Variants in REPIN1 observed in about 807,000 individuals in gnomAD.
The protein encoded by REPIN1 is DNA-binding protein REPIN1.
In REPIN1, 4 loss-of-function variants were observed where a neutral mutation model predicts 5.7. That is an observed-to-expected ratio of 0.71 (90% CI 0.35 to 1.62). The LOEUF (loss-of-function observed/expected upper bound fraction) is 1.62, where lower values mean the gene tolerates loss of function less well. Among genes scored for constraint, REPIN1 ranks in the 40% most tolerant of loss-of-function variants. The probability of loss-of-function intolerance (pLI) is 0.05; values close to 1 mark genes in which losing one functional copy is unlikely to be tolerated. For missense variants in REPIN1, 854 were observed against 901.0 expected (o/e 0.95, Z 0.67); for synonymous variants, 410 against 386.2 (o/e 1.06, Z -0.72).
chr7:150,373,146 C>A lies in REPIN1; in HGVS notation c.*201C>A. 1.4e-6 allele frequency: 1 copy of A among 725,334 alleles called. No individual in the cohort carries two copies. The highest frequency in any genetic ancestry group is 1.9e-5 in the South Asian group (1 of 52,340). 44.9% of individuals were successfully genotyped at this position (725,334 alleles called of 1,614,324 possible). A position where few individuals can be genotyped will look rare whatever the true frequency, so the allele number is the denominator to read the frequency against. On this transcript the variant is annotated 3_prime_UTR_variant, in exon 3 of 3. Coordinates refer to ENST00000489432, the MANE Select transcript of REPIN1 (RefSeq NM_001099695.2). ...GGTGGCCAGGGAACCCACTTCCAAG[C>A]GCAGGGACGCCGGCCTCCAGCTGGT... is the stretch of plus-strand genomic sequence containing the variant.
upstream of REPIN1, chr7:150,368,689 C>T (rs1164411839): frequency 1.3e-5 from 3 of 227,566 alleles, no homozygotes; most frequent in Non-Finnish European, 2.5e-5. Flanking sequence ...GGCGGGGGCG[C>T]CCGCGCCCCG....
At chr7:150,368,629 A>T (rs1799074445), upstream of REPIN1, among the ~76,000 whole-genome samples, 1 of 151,834 alleles carries the variant, frequency 6.6e-6, no homozygotes. Flanking sequence ...CGACCCTCCG[A>T]GGCCTGCCGC....
chr7:150,368,982 G>T (rs1188735428), intron 1 of REPIN1, 41 bp downstream of exon 1: 2 of 375,402 alleles, frequency 5.3e-6, no homozygotes, highest in South Asian at 1.3e-4. Flanking sequence ...GCGGGCCCGC[G>T]GGGGGCCGCT....
At position 150,371,934 on chromosome 7, in the gene REPIN1, C is replaced by T. The variant is rs766446892; in HGVS notation, c.864C>T (p.Ala288=). Residue 288 remains alanine, a synonymous_variant, in exon 3 of 3, where the codon GCC becomes GCT. Coordinates refer to ENST00000489432, the MANE Select transcript of REPIN1 (RefSeq NM_001099695.2). Reference sequence around the variant, plus strand: ...CCGCCCCCCGGCCCGGTGGAGATGCCGTCGACCGCCCCTTCCAGTGTGCCT... The same window carrying T: ...CCGCCCCCCGGCCCGGTGGAGATGCTGTCGACCGCCCCTTCCAGTGTGCCT... ...AVTAPRPGGD[A]VDRPFQCACC... 2 of 1,608,100 alleles carry T rather than the reference C, an allele frequency of 1.2e-6. No homozygotes were observed. Among genetic ancestry groups the T allele is most frequent in the Non-Finnish European group, 8.5e-7 (1 of 1,179,176 alleles).
At position 150,371,903 on chromosome 7, in the gene REPIN1, C is replaced by T. The variant is rs963419117; in HGVS notation, c.833C>T (p.Ala278Val). 1.2e-6 allele frequency: 2 copies of T among 1,607,412 alleles called. No homozygotes were observed. The highest frequency in any genetic ancestry group is 2.7e-5 in the African/African-American group (2 of 74,892). ...GGGCCCCGGCCCAGGGGCCGCCCCG[C>T]GGTGACCGCCCCCCGGCCCGGTGGA... ...ALGPRPRGRP[A>V]VTAPRPGGDA... The change falls in exon 3 of 3, where the codon GCG (alanine) becomes GTG (valine). Residue 278 changes from alanine (A) to valine (V), a missense_variant. Ala to Val is a moderately conservative substitution (Grantham distance 64). This residue lies in a region of REPIN1 where 409 missense variants were observed against 418.6 expected (regional missense o/e 0.98). Transcript: ENST00000489432.
rs753150848 is a variant in REPIN1, at chr7:150,373,765, G to C, written c.*820G>C. The C allele has an allele frequency of 1.2e-5, 2 of 167,138 alleles. No homozygotes were observed. Among genetic ancestry groups the C allele is most frequent in the Non-Finnish European group, 2.9e-5 (2 of 68,146 alleles). The allele number at this position is 167,138 out of a possible 1,614,324, so 10.4% of individuals were successfully genotyped here. ...ATTGGTGATGGAGGGCCAGCTGAGG[G>C]GAAGTTGCTGGTGAGTTTCCTTTTC... On this transcript the variant is annotated 3_prime_UTR_variant, in exon 3 of 3. Transcript: ENST00000489432.
In REPIN1 at chr7:150,372,790, T is replaced by A. The variant is rs1243491540; in HGVS notation, c.1720T>A (p.Cys574Ser). The change falls in exon 3 of 3, where the codon TGT (cysteine) becomes AGT (serine). Residue 574 changes from cysteine to serine, a missense_variant. By Grantham distance (112) the Cys-to-Ser change is moderately radical (BLOSUM62 -1). Transcript: ENST00000489432. ...RIHTGERPYA[C>S]PDCDRSFSQK... ...CCACACGGGCGAGCGGCCCTACGCC[T>A]GTCCCGACTGCGACCGCAGCTTCAG... is the stretch of plus-strand genomic sequence containing the variant. The A allele has an allele frequency of 1.8e-5, 29 of 1,612,200 alleles. No homozygotes were observed. The highest frequency in any genetic ancestry group is 2.4e-5 in the Non-Finnish European group (28 of 1,179,970).
intron 2 of REPIN1, chr7:150,370,789 C>T: frequency 1.4e-6 from 1 of 702,448 alleles, no homozygotes; most frequent in Non-Finnish European, 2.6e-6. Flanking sequence ...TCCAGCTTCT[C>T]AGAGTTGCTG....
chr7:150,368,605 A>G (rs1276054434), upstream of REPIN1, among the ~76,000 whole-genome samples: 1 of 151,882 alleles, frequency 6.6e-6, no homozygotes, highest in Non-Finnish European at 1.5e-5. Flanking sequence ...GGTGGTCGCC[A>G]TGGCAACGGA....
intron 2 of REPIN1, chr7:150,370,308 G>T: frequency 8.2e-6 from 2 of 245,038 alleles, no homozygotes; most frequent in Non-Finnish European, 1.6e-5. Flanking sequence ...CCGGTGATCA[G>T]GCCCCGAGGG....
chr7:150,370,030 A>G (rs1284780902), intron 2 of REPIN1, 162 bp downstream of exon 2: 3 of 843,002 alleles, frequency 3.6e-6, no homozygotes, highest in Non-Finnish European at 5.3e-6. Flanking sequence ...CTGAGAAGAG[A>G]GAGTGCGCTC....
Position 150,372,707 on chromosome 7 carries a change from GC to G in REPIN1, c.1641del (p.Asp548ThrfsTer124). 1 of 1,612,658 alleles carries G rather than the reference GC, an allele frequency of 6.2e-7. No homozygotes were observed. Among genetic ancestry groups the G allele is most frequent in the Non-Finnish European group, 8.5e-7 (1 of 1,179,896 alleles). ...RIHTGEKPYV[C>X]PDCGKAFSQK... ...CACACCGGCGAGAAGCCCTACGTCT[GC>G]CCCGACTGCGGCAAAGCCTTCAGCC... On this transcript the variant is annotated frameshift_variant, in exon 3 of 3. Coordinates refer to ENST00000489432, the MANE Select transcript of REPIN1 (RefSeq NM_001099695.2). LOFTEE classifies it low-confidence loss of function (END_TRUNC).
chr7:150,373,221 T>G lies in REPIN1; in HGVS notation c.*276T>G. ...GCCCTGTGCCCTGGAAAAGCAGCAA[T>G]AGCATCCGCCCCTTAGAGCCCTCTG... is the stretch of plus-strand genomic sequence containing the variant. On this transcript the variant is annotated 3_prime_UTR_variant, in exon 3 of 3. Coordinates refer to ENST00000489432, the MANE Select transcript of REPIN1 (RefSeq NM_001099695.2). 3.8e-6 allele frequency: 2 copies of G among 522,988 alleles called. No individual in the cohort carries two copies. Among genetic ancestry groups the G allele is most frequent in the Middle Eastern group, 5.2e-4 (1 of 1,926 alleles). The allele number at this position is 522,988 out of a possible 1,614,324, so 32.4% of individuals were successfully genotyped here.
In REPIN1 at chr7:150,371,914, C is replaced by A; in HGVS notation, c.844C>A (p.Pro282Thr). 8 of 1,608,530 alleles carry A rather than the reference C, an allele frequency of 5.0e-6. No individual in the cohort carries two copies. Among genetic ancestry groups the A allele is most frequent in the Non-Finnish European group, 6.8e-6 (8 of 1,178,900 alleles). The change falls in exon 3 of 3, where the codon CCC becomes ACC. Residue 282 changes from proline (P) to threonine (T), a missense_variant. By Grantham distance (38) the Pro-to-Thr change is conservative (BLOSUM62 -1). Coordinates refer to ENST00000489432, the MANE Select transcript of REPIN1 (RefSeq NM_001099695.2). ...CAGGGGCCGCCCCGCGGTGACCGCC[C>A]CCCGGCCCGGTGGAGATGCCGTCGA... ...RPRGRPAVTA[P>T]RPGGDAVDRP...
At position 150,373,299 on chromosome 7, in the gene REPIN1, C is replaced by A; in HGVS notation, c.*354C>A. ...GACCCTCCATCCTCTGGTATTAACG[C>A]CTTAATGCCCCTGTCTTTTACTGTA... On this transcript the variant is annotated 3_prime_UTR_variant, in exon 3 of 3. Coordinates refer to ENST00000489432, the MANE Select transcript of REPIN1 (RefSeq NM_001099695.2). 1 of 315,972 alleles carries A rather than the reference C, an allele frequency of 3.2e-6. No homozygotes were observed. Among genetic ancestry groups the A allele is most frequent in the Admixed American group, 4.7e-5 (1 of 21,302 alleles). 19.6% of individuals were successfully genotyped at this position (315,972 alleles called of 1,614,324 possible).
At chr7:150,370,827 G>T in intron 2 of REPIN1, 1 of 702,136 alleles carries the variant, frequency 1.4e-6, no homozygotes, top group Non-Finnish European at 2.6e-6. Flanking sequence ...ATAGGAAACA[G>T]CAGACACAGG....
intron 2 of REPIN1, chr7:150,370,860 T>C (rs1799619749): frequency 1.3e-5 from 9 of 701,224 alleles, no homozygotes; most frequent in Non-Finnish European, 2.3e-5. Flanking sequence ...TAAGGCACTG[T>C]AGGGAGCAGT....
chr7:150,370,032 A>G (rs895869199), intron 2 of REPIN1, 164 bp downstream of exon 2: 10 of 821,844 alleles, frequency 1.2e-5, no homozygotes, highest in Middle Eastern at 3.8e-4. Flanking sequence ...GAGAAGAGAG[A>G]GTGCGCTCTA....
chr7:150,372,332 C>G lies in REPIN1; in HGVS notation c.1262C>G (p.Pro421Arg). 6.6e-7 allele frequency: 1 copy of G among 1,522,118 alleles called. No homozygotes were observed. Among genetic ancestry groups the G allele is most frequent in the Non-Finnish European group, 8.8e-7 (1 of 1,141,548 alleles). 94.3% of individuals were successfully genotyped at this position (1,522,118 alleles called of 1,614,324 possible). A position where few individuals can be genotyped will look rare whatever the true frequency, so the allele number is the denominator to read the frequency against. Residue 421 changes from proline to arginine, a missense_variant, in exon 3 of 3, where the codon CCG (proline) becomes CGG (arginine). By Grantham distance (103) the Pro-to-Arg change is moderately radical. This residue lies in a region of REPIN1 where 327 missense variants were observed against 307.8 expected (regional missense o/e 1.06). Coordinates refer to ENST00000489432, the MANE Select transcript of REPIN1 (RefSeq NM_001099695.2). ...CCGCCAGGGGCCCCGCCAGAGCACC[C>G]GCAGGACCCGATCGAAGCCCCCCCC... ...EPPPGAPPEHPQDPIEAPPSL... is the reference protein window; with the variant it reads ...EPPPGAPPEHRQDPIEAPPSL...
Sources: allele counts gnomAD v4.1 joint callset (sites outside exome capture counted in the v4.1 genomes callset), GRCh38; gene constraint gnomAD v4.1.1; regional missense constraint gnomAD v4.1.1; transcripts MANE v1.5; gene names NCBI Gene and HGNC (gene_info 2026-07-23, HGNC 2026-07-21).